TRPV3: variants seen among roughly 807,000 people sequenced by gnomAD.
The protein encoded by TRPV3 is VRL-3.
A neutral mutation model predicts 87.1 loss-of-function variants in TRPV3; 88 were observed. That is an observed-to-expected ratio of 1.01 (90% CI 0.85 to 1.21). TRPV3 has a LOEUF of 1.21. Among genes scored for constraint, TRPV3 ranks in the 50% most tolerant of loss-of-function variants. The pLI is 0.00. For synonymous variants in TRPV3, 438 were observed against 423.3 expected, an observed-to-expected ratio of 1.03 and a Z score of -0.43; for missense variants, 1,054 against 1,030.1, an observed-to-expected ratio of 1.02 and a Z score of -0.32.
In TRPV3 at chr17:3,512,916, A is replaced by C. The variant is rs992824360; in HGVS notation, c.*1001T>G. ...CGACTAACTGCTGAGTTCCAAGATG[A>C]TATCGATCGAGCAGCTGCTATTTCT... On this transcript the variant is annotated 3_prime_UTR_variant, in exon 18 of 18. Coordinates refer to ENST00000576742, the MANE Select transcript of TRPV3 (RefSeq NM_145068.4). 7 of 152,126 alleles carry C rather than the reference A, an allele frequency of 4.6e-5. No individual in the cohort carries two copies. The highest frequency in any genetic ancestry group is 9.7e-5 in the African/African-American group (4 of 41,426). 9.4% of individuals were successfully genotyped at this position (152,126 alleles called of 1,614,324 possible). A position where few individuals can be genotyped will look rare whatever the true frequency, so the allele number is the denominator to read the frequency against.
intron 15 of TRPV3, among the ~76,000 whole-genome samples, chr17:3,517,132 G>T (rs116647451): frequency 0.025 from 3,725 of 151,512 alleles, 141 homozygotes; most frequent in African/African-American, 0.086. Context: ...GTGACAGAGC[G>T]AAACTCCATG....
At chr17:3,543,130 C>T (rs540552977) in intron 5 of TRPV3, among the ~76,000 whole-genome samples, 24 of 152,096 alleles carry the variant, frequency 1.6e-4, no homozygotes, top group Admixed American at 5.2e-4. Flanking sequence ...CTGGACCCCC[C>T]GTCCCTCACT....
intron 2 of TRPV3, among the ~76,000 whole-genome samples, chr17:3,546,386 G>A (rs2074525970): frequency 6.6e-6 from 1 of 152,072 alleles, no homozygotes; most frequent in African/African-American, 2.4e-5. Context: ...AGGTTGCAGT[G>A]AGCCGAGATC....
At chr17:3,523,244 T>C (rs1196009732) in intron 13 of TRPV3, among the ~76,000 whole-genome samples, 1 of 152,232 alleles carries the variant, frequency 6.6e-6, no homozygotes, top group Non-Finnish European at 1.5e-5. Context: ...TGCAAACTAG[T>C]ATCCAATTCA....
Position 3,521,856 on chromosome 17 carries a change from G to A in TRPV3, c.1744-817C>T, listed in dbSNP as rs539438426. Among the ~76,000 whole-genome samples, 13 of 152,186 alleles carry A rather than the reference G, an allele frequency of 8.5e-5. No individual in the cohort carries two copies. In the South Asian group the frequency reaches 1.2e-3, roughly 15 times the overall value. ...TTTGAGAGGCTGAGGTGGGTGGATC[G>A]CCTGAGGTCAGGAGTTGGAGGCCAG... On this transcript the variant is annotated intron_variant, in intron 13 of 17. Coordinates refer to ENST00000576742, the MANE Select transcript of TRPV3 (RefSeq NM_145068.4).
chr17:3,547,860 G>A (rs381626), intron 2 of TRPV3, among the ~76,000 whole-genome samples: 94,594 of 152,040 alleles, frequency 0.62, 29,647 homozygotes, highest in East Asian at 0.74. Flanking sequence ...ACATACACCC[G>A]TGATGTGACT....
intron 8 of TRPV3, among the ~76,000 whole-genome samples, chr17:3,531,457 C>G (rs2074348721): frequency 6.7e-6 from 1 of 150,326 alleles, no homozygotes; most frequent in African/African-American, 2.4e-5. Flanking sequence ...AGGACGGTGG[C>G]CAAGCTGGGC....
intron 12 of TRPV3, among the ~76,000 whole-genome samples, chr17:3,525,658 C>T (rs1481451981): frequency 6.7e-6 from 1 of 148,786 alleles, no homozygotes; most frequent in Non-Finnish European, 1.5e-5. Flanking sequence ...CTCACTCTGT[C>T]GCCCAGGCTG....
At chr17:3,524,962 A>AT (rs2074282442) in intron 12 of TRPV3, among the ~76,000 whole-genome samples, 1 of 152,238 alleles carries the variant, frequency 6.6e-6, no homozygotes, top group Non-Finnish European at 1.5e-5. Context: ...ATCTATACTT[A>AT]AAAGCCAATC....
Position 3,510,649 on chromosome 17 carries a change from T to C in TRPV3, c.*3268A>G, listed in dbSNP as rs1178198650. 6.6e-6 allele frequency: 1 copy of C among 152,268 alleles called. No homozygotes were observed. Among genetic ancestry groups the C allele is most frequent in the African/African-American group, 2.4e-5 (1 of 41,460 alleles). 9.4% of individuals were successfully genotyped at this position (152,268 alleles called of 1,614,324 possible). ...AAGAACAAGTAGGTAAATGAGAATT[T>C]ACAAGGATCCGGCACATTCAAGGGA... On this transcript the variant is annotated 3_prime_UTR_variant, in exon 18 of 18. Coordinates refer to ENST00000576742, the MANE Select transcript of TRPV3 (RefSeq NM_145068.4).
chr17:3,517,418 C>T (rs1485317283), intron 15 of TRPV3, among the ~76,000 whole-genome samples: 2 of 151,654 alleles, frequency 1.3e-5, no homozygotes. Flanking sequence ...CAGGAGTAAG[C>T]GGCCAGCCTA....
At chr17:3,551,462 C>T (rs1304673684) in intron 2 of TRPV3, among the ~76,000 whole-genome samples, 3 of 152,212 alleles carry the variant, frequency 2.0e-5, no homozygotes, top group African/African-American at 7.2e-5. Context: ...GACCAAAGGG[C>T]ACCAGCTGGG....
chr17:3,544,705 T>G, intron 3 of TRPV3, 40 bp from the exon 4 acceptor site: 8 of 1,484,888 alleles, frequency 5.4e-6, no homozygotes, highest in Non-Finnish European at 7.4e-6. Context: ...GGTTTTAAAG[T>G]TTTAAAATGG....
intron 4 of TRPV3, 119 bp from the exon 5 acceptor site, chr17:3,543,747 T>TCACAATGCCTGC (rs2074491815): frequency 1.5e-6 from 2 of 1,346,624 alleles, no homozygotes; most frequent in Non-Finnish European, 2.1e-6. Flanking sequence ...CCCATGCCTG[T>TCACAATGCCTGC]CACAATGCCT....
chr17:3,519,439 T>C (rs1373502859), intron 14 of TRPV3, among the ~76,000 whole-genome samples: 18 of 147,010 alleles, frequency 1.2e-4, no homozygotes, highest in Admixed American at 1.0e-3. Flanking sequence ...GATGGATGGA[T>C]GGATGGATGG....
At chr17:3,542,977 C>A (rs2074482636) in intron 5 of TRPV3, among the ~76,000 whole-genome samples, 1 of 152,064 alleles carries the variant, frequency 6.6e-6, no homozygotes, top group African/African-American at 2.4e-5. Context: ...TGCTGCCACC[C>A]TGGAATCTGT....
At chr17:3,529,945 G>A in intron 9 of TRPV3, 82 bp downstream of exon 9, 1 of 1,489,706 alleles carries the variant, frequency 6.7e-7, no homozygotes, top group Non-Finnish European at 9.1e-7. Context: ...GCAGCACTGG[G>A]TCTTCCCAGC....
At chr17:3,529,224 A>G (rs1461659815) in intron 9 of TRPV3, among the ~76,000 whole-genome samples, 1 of 152,152 alleles carries the variant, frequency 6.6e-6, no homozygotes, top group East Asian at 1.9e-4. Context: ...TTGCAGCAGG[A>G]GGACCCGATG....
rs1481846736 is a variant in TRPV3 at position 3,528,418 on chromosome 17, A to G, written c.1402-292T>C. Among the ~76,000 whole-genome samples the G allele has an allele frequency of 6.6e-6, 1 of 152,198 alleles. No homozygotes were observed. ...GAACCCATCCATATCCAGGCACTCA[A>G]CATGGCCTCACAGCACCGTTAAATA... On this transcript the variant is annotated intron_variant, in intron 10 of 17. Coordinates refer to ENST00000576742, the MANE Select transcript of TRPV3 (RefSeq NM_145068.4). The surrounding 1 kb of genome is among the most constrained non-coding windows in gnomAD (Gnocchi z 4.2).
Sources: gnomAD v4.1 joint callset for allele counts (sites outside exome capture counted in the v4.1 genomes callset) on GRCh38, gnomAD v4.1.1 for gene constraint, Gnocchi (gnomAD v3.1) non-coding constraint, MANE v1.5 for transcripts, NCBI Gene and HGNC (gene_info 2026-07-23, HGNC 2026-07-21) for gene names.